The following OTUD7A variants were observed in gnomAD, a reference collection of about 807,000 sequenced individuals.
OTUD7A encodes the protein OTU domain-containing protein 7A.
A neutral mutation model predicts 65.7 loss-of-function variants in OTUD7A; 12 were observed. The ratio of observed to expected loss-of-function variants is 0.18; its 90% confidence interval spans 0.12 to 0.30. The LOEUF is 0.30. OTUD7A is among the 10% of genes least tolerant of loss of function. OTUD7A has a pLI of 1.00. For synonymous variants in OTUD7A, 641 were observed against 586.3 expected (o/e 1.09, Z -1.35); for missense variants, 1,148 against 1,304.8 (o/e 0.88, Z 1.85).
rs1288125231 is a variant in OTUD7A, at chr15:31,540,644, T to C, written c.551-9836A>G. Among the ~76,000 whole-genome samples the C allele has an allele frequency of 2.0e-5, 3 of 152,312 alleles. No individual in the cohort carries two copies. The East Asian group carries it at 5.8e-4, about 29-fold the overall frequency. ...TTTAATATTGGGAAAGTACTTAAGA[T>C]AGGGCGTGGCATATAGAAAGCCCCA... On this transcript the variant is annotated intron_variant, in intron 5 of 12. Coordinates refer to ENST00000307050, the MANE Select transcript of OTUD7A (RefSeq NM_001382637.1).
At chr15:31,654,963 A>G in intron 3 of OTUD7A, 133 bp downstream of exon 3, 1 of 1,053,024 alleles carries the variant, frequency 9.5e-7, no homozygotes, top group Non-Finnish European at 1.3e-6. Flanking sequence ...TTGACTTAAT[A>G]TCGGTAAGAT....
intron 3 of OTUD7A, among the ~76,000 whole-genome samples, chr15:31,599,605 C>T (rs12914179): frequency 0.081 from 12,274 of 152,138 alleles, 1,194 homozygotes; most frequent in African/African-American, 0.24. Flanking sequence ...CACAACTCCT[C>T]GCCAGCAAGG....
chr15:31,632,106 G>T (rs953192139), intron 3 of OTUD7A, among the ~76,000 whole-genome samples: 7 of 152,114 alleles, frequency 4.6e-5, no homozygotes, highest in African/African-American at 1.7e-4. Flanking sequence ...GTCATTCTCC[G>T]TCCAGCTTTG....
chr15:31,496,028 T>C (rs1244768401), intron 10 of OTUD7A, among the ~76,000 whole-genome samples: 1 of 146,700 alleles, frequency 6.8e-6, no homozygotes, highest in Non-Finnish European at 1.5e-5. Flanking sequence ...ATCATGGCAC[T>C]GTACTCCAGC....
intron 1 of OTUD7A, among the ~76,000 whole-genome samples, chr15:31,793,469 T>C (rs976406388): frequency 1.3e-5 from 2 of 152,182 alleles, no homozygotes; most frequent in African/African-American, 4.8e-5. Context: ...CTATGGTCCA[T>C]TGTTATCTTC....
chr15:31,612,801 A>G (rs1219432480), intron 3 of OTUD7A, among the ~76,000 whole-genome samples: 4 of 152,160 alleles, frequency 2.6e-5, no homozygotes, highest in African/African-American at 9.7e-5. Context: ...CAATTCTAAA[A>G]TTCATATGGA....
Position 31,511,064 on chromosome 15 carries a change from CATAT to C in OTUD7A, c.894-7250_894-7247del, listed in dbSNP as rs200517862. Among the ~76,000 whole-genome samples, 359 of 56,674 alleles carry C rather than the reference CATAT, an allele frequency of 6.3e-3. 96 individuals carry two copies. The highest frequency in any genetic ancestry group is 0.026 in the Middle Eastern group (1 of 38). The allele number at this position is 56,674 out of a possible 152,430, so 37.2% of individuals were successfully genotyped here. A position where few individuals can be genotyped will look rare whatever the true frequency, so the allele number is the denominator to read the frequency against. ...TACATGTATATCTATATGTAACATA[CATAT>C]ATATGTATATCTATATGTAACATAC... is the stretch of plus-strand genomic sequence containing the variant. On this transcript the variant is annotated intron_variant, in intron 8 of 12. Coordinates refer to ENST00000307050, the MANE Select transcript of OTUD7A (RefSeq NM_001382637.1).
At chr15:31,826,166 C>T (rs1016293909) in intron 1 of OTUD7A, among the ~76,000 whole-genome samples, 5 of 152,228 alleles carry the variant, frequency 3.3e-5, no homozygotes, top group Non-Finnish European at 7.3e-5. Flanking sequence ...GGGCTCCGAC[C>T]CCACATTTCC....
At chr15:31,838,686 G>A (rs1897113824) in intron 1 of OTUD7A, among the ~76,000 whole-genome samples, 1 of 145,448 alleles carries the variant, frequency 6.9e-6, no homozygotes, top group Non-Finnish European at 1.5e-5. Flanking sequence ...AAGTGATCTT[G>A]AGGGACCCCC....
intron 1 of OTUD7A, among the ~76,000 whole-genome samples, chr15:31,760,910 G>T (rs1894944056): frequency 6.6e-6 from 1 of 152,054 alleles, no homozygotes; most frequent in Non-Finnish European, 1.5e-5. Flanking sequence ...GAAAGAACAG[G>T]TTTTTTTGGG....
intron 8 of OTUD7A, among the ~76,000 whole-genome samples, chr15:31,509,190 T>G (rs545654669): frequency 2.0e-5 from 3 of 152,266 alleles, no homozygotes; most frequent in African/African-American, 7.2e-5. Context: ...GCTTTTATTT[T>G]AATGTTTAGT....
At chr15:31,759,861 G>A (rs898209682) in intron 1 of OTUD7A, among the ~76,000 whole-genome samples, 1 of 152,032 alleles carries the variant, frequency 6.6e-6, no homozygotes, top group Non-Finnish European at 1.5e-5. Flanking sequence ...TTCATGCTTT[G>A]TCCATGCTTC....
At chr15:31,665,652 T>C (rs766174416) in intron 1 of OTUD7A, among the ~76,000 whole-genome samples, 24 of 152,200 alleles carry the variant, frequency 1.6e-4, no homozygotes, top group Non-Finnish European at 3.1e-4. Context: ...ATGCCCTTTA[T>C]TTCTCTCGTC....
chr15:31,674,077 T>C (rs1003933343), intron 1 of OTUD7A, among the ~76,000 whole-genome samples: 1 of 152,220 alleles, frequency 6.6e-6, no homozygotes, highest in African/African-American at 2.4e-5. Flanking sequence ...ACTCTAATAC[T>C]GCTTACAAGT....
At chr15:31,809,522 A>T (rs1214182448) in intron 1 of OTUD7A, among the ~76,000 whole-genome samples, 1 of 152,236 alleles carries the variant, frequency 6.6e-6, no homozygotes, top group Non-Finnish European at 1.5e-5. Flanking sequence ...AGCCAAAAAA[A>T]CTTAAGCATA....
Position 31,483,180 on chromosome 15 carries a change from T to C in OTUD7A, c.*114A>G, listed in dbSNP as rs963496750. 32 of 972,824 alleles carry C rather than the reference T, an allele frequency of 3.3e-5. No homozygotes were observed. Among genetic ancestry groups the C allele is most frequent in the Non-Finnish European group, 9.9e-6 (8 of 809,146 alleles). The allele number at this position is 972,824 out of a possible 1,614,324, so 60.3% of individuals were successfully genotyped here. A position where few individuals can be genotyped will look rare whatever the true frequency, so the allele number is the denominator to read the frequency against. On this transcript the variant is annotated 3_prime_UTR_variant, in exon 13 of 13. Transcript: ENST00000307050. ...GTTTGACCAAACACGTACACGGCAC[T>C]GACAGAGGAGGCGCCGGCCTTCCGG...
intron 10 of OTUD7A, among the ~76,000 whole-genome samples, chr15:31,494,302 C>G (rs74325941): frequency 6.6e-6 from 1 of 152,138 alleles, no homozygotes; most frequent in African/African-American, 2.4e-5. Flanking sequence ...ACAACAGGCA[C>G]GAGAGCGCTC....
chr15:31,503,184 CAG>C (rs1242628859), intron 9 of OTUD7A, among the ~76,000 whole-genome samples: 1 of 152,242 alleles, frequency 6.6e-6, no homozygotes, highest in Non-Finnish European at 1.5e-5. Context: ...GGGCTGTGCA[CAG>C]AGTGTGGCTT....
chr15:31,778,823 G>T (rs76384718), intron 1 of OTUD7A, among the ~76,000 whole-genome samples: 2 of 151,796 alleles, frequency 1.3e-5, no homozygotes, highest in African/African-American at 4.8e-5. Flanking sequence ...TCCTTTCCCC[G>T]CTCCCAGCCC....
Sources: allele counts gnomAD v4.1 joint callset (sites outside exome capture counted in the v4.1 genomes callset), GRCh38; gene constraint gnomAD v4.1.1; transcripts MANE v1.5; gene names NCBI Gene and HGNC (gene_info 2026-07-23, HGNC 2026-07-21).